The following ANKFN1 variants were observed in gnomAD, a reference collection of about 807,000 sequenced individuals.
ANKFN1 encodes the protein ankyrin repeat and fibronectin type-III domain-containing protein 1.
ANKFN1 carries 74 observed loss-of-function variants against 108.7 expected under a neutral mutation model. That is an observed-to-expected ratio of 0.68 (90% CI 0.56 to 0.83). The LOEUF (loss-of-function observed/expected upper bound fraction) is 0.83, where lower values mean the gene tolerates loss of function less well. Among genes scored for constraint, ANKFN1 ranks in the 40% least tolerant of loss-of-function variants. ANKFN1 has a pLI of 0.00. For missense variants in ANKFN1, 1,505 were observed against 1,382.3 expected, an observed-to-expected ratio of 1.09 and a Z score of -1.41; for synonymous variants, 547 against 516.2, an observed-to-expected ratio of 1.06 and a Z score of -0.81.
intron 14 of ANKFN1, 48 bp downstream of exon 14, chr17:56,458,027 T>C: frequency 6.6e-7 from 1 of 1,510,602 alleles, no homozygotes. Context: ...ATATTTTTAA[T>C]GTAGAAAATT....
intron 4 of ANKFN1, among the ~76,000 whole-genome samples, chr17:56,116,935 G>C (rs1383410196): frequency 1.3e-5 from 2 of 152,138 alleles, no homozygotes; most frequent in Non-Finnish European, 2.9e-5. Flanking sequence ...TGATCTGGGA[G>C]TTAGTAATAC....
intron 4 of ANKFN1, among the ~76,000 whole-genome samples, chr17:56,138,449 A>C (rs10491196): frequency 0.18 from 27,500 of 152,062 alleles, 2,875 homozygotes; most frequent in East Asian, 0.28. Context: ...AACAGCTATC[A>C]AACTGAACTG....
intron 19 of ANKFN1, among the ~76,000 whole-genome samples, chr17:56,495,110 C>T (rs1411111446): frequency 2.0e-5 from 3 of 152,142 alleles, no homozygotes; most frequent in African/African-American, 7.2e-5. Context: ...CTACATACTT[C>T]CCTTCCAGTC....
intron 8 of ANKFN1, among the ~76,000 whole-genome samples, chr17:56,389,507 G>C (rs2144865709): frequency 6.6e-6 from 1 of 152,284 alleles, no homozygotes; most frequent in Non-Finnish European, 1.5e-5. Flanking sequence ...CATGTGTGTT[G>C]GTTTGGCCTC....
At chr17:56,120,151 A>G (rs1906524590) in intron 4 of ANKFN1, among the ~76,000 whole-genome samples, 1 of 152,100 alleles carries the variant, frequency 6.6e-6, no homozygotes, top group Admixed American at 6.6e-5. Context: ...TACATTACTC[A>G]GCCATATTTT....
intron 4 of ANKFN1, among the ~76,000 whole-genome samples, chr17:56,058,631 G>A (rs112839257): frequency 1.5e-4 from 1 of 6,568 alleles, no homozygotes; most frequent in South Asian, 2.5e-3. Context: ...GTTCCGCTCC[G>A]TGTCCAAGTG....
At chr17:56,496,948 G>T (rs2051219168) in intron 19 of ANKFN1, among the ~76,000 whole-genome samples, 1 of 151,992 alleles carries the variant, frequency 6.6e-6, no homozygotes, top group South Asian at 2.1e-4. Context: ...AACTCTGTTT[G>T]TGGGTAGAGA....
chr17:56,211,605 T>C (rs945965256), intron 1 of ANKFN1, among the ~76,000 whole-genome samples: 2 of 152,210 alleles, frequency 1.3e-5, no homozygotes, highest in Non-Finnish European at 2.9e-5. Context: ...TTTGGTTCCA[T>C]ATGAATTTTA....
Position 56,467,775 on chromosome 17 carries a change from GAA to G in ANKFN1, c.1773+1206_1773+1207del, listed in dbSNP as rs1199444739. 9.9e-3 allele frequency among the ~76,000 whole-genome samples: 166 copies of G among 16,724 alleles called. 3 individuals are homozygous for G. The highest frequency in any genetic ancestry group is 0.022 in the African/African-American group (158 of 7,268). 11.0% of individuals were successfully genotyped at this position (16,724 alleles called of 152,430 possible). A position where few individuals can be genotyped will look rare whatever the true frequency, so the allele number is the denominator to read the frequency against. ...AGAAAGAAAGAAAGAAAGAAAGAAA[GAA>G]AGAAAGAAAGAAAGAAGAAAGAAAG... On this transcript the variant is annotated intron_variant, in intron 15 of 20. Coordinates refer to ENST00000682825, the MANE Select transcript of ANKFN1 (RefSeq NM_001370326.1).
intron 1 of ANKFN1, among the ~76,000 whole-genome samples, chr17:56,161,953 G>C (rs1307721914): frequency 1.3e-5 from 2 of 152,196 alleles, no homozygotes; most frequent in Non-Finnish European, 2.9e-5. Flanking sequence ...TGTGAGAGCA[G>C]AAACTTTACC....
At chr17:56,405,854 A>C (rs1187052195) in intron 8 of ANKFN1, among the ~76,000 whole-genome samples, 1 of 152,202 alleles carries the variant, frequency 6.6e-6, no homozygotes, top group Admixed American at 6.6e-5. Flanking sequence ...ATTTGCTTGA[A>C]TATACATAAA....
intron 4 of ANKFN1, among the ~76,000 whole-genome samples, chr17:56,337,146 G>T (rs1023596931): frequency 2.6e-5 from 4 of 152,086 alleles, no homozygotes; most frequent in African/African-American, 7.2e-5. Context: ...CAACTATGTG[G>T]TCAATTTTGG....
At chr17:56,140,403 C>A (rs577316525) in intron 4 of ANKFN1, among the ~76,000 whole-genome samples, 1 of 152,302 alleles carries the variant, frequency 6.6e-6, no homozygotes, top group Non-Finnish European at 1.5e-5. Flanking sequence ...ACCATAAGAT[C>A]AACCATCCGA....
At chr17:56,183,176 T>C (rs972567866) in intron 1 of ANKFN1, among the ~76,000 whole-genome samples, 6 of 152,182 alleles carry the variant, frequency 3.9e-5, no homozygotes, top group Non-Finnish European at 8.8e-5. Flanking sequence ...GAGGAGTTAT[T>C]TTGGCTTTCA....
intron 19 of ANKFN1, among the ~76,000 whole-genome samples, chr17:56,495,777 A>G (rs1335896047): frequency 6.6e-6 from 1 of 152,206 alleles, no homozygotes; most frequent in Non-Finnish European, 1.5e-5. Flanking sequence ...ATAGAAACAC[A>G]GCTCATTAAA....
chr17:56,353,831 T>C lies in ANKFN1; in HGVS notation c.391-5T>C. The C allele has an allele frequency of 6.2e-7, 1 of 1,613,826 alleles. No homozygotes were observed. Among genetic ancestry groups the C allele is most frequent in the Non-Finnish European group, 8.5e-7 (1 of 1,179,868 alleles). On this transcript the variant is annotated splice_region_variant and splice_polypyrimidine_tract_variant and intron_variant, in intron 5 of 20. Transcript: ENST00000682825. ...TTGTGCTGATCTACTTTTGCTCCTC[T>C]CTAGAATTTCCAGGGCAATGAAGCC...
At chr17:56,351,911 C>A (rs2046258251) in intron 5 of ANKFN1, among the ~76,000 whole-genome samples, 1 of 152,064 alleles carries the variant, frequency 6.6e-6, no homozygotes, top group African/African-American at 2.4e-5. Context: ...TAGAAGCATG[C>A]CAAAGTTTGC....
chr17:56,331,025 G>A (rs559697686), intron 4 of ANKFN1, among the ~76,000 whole-genome samples: 1 of 152,140 alleles, frequency 6.6e-6, no homozygotes, highest in Non-Finnish European at 1.5e-5. Context: ...AGACACACCT[G>A]TTATGTTAAC....
intron 8 of ANKFN1, among the ~76,000 whole-genome samples, chr17:56,418,581 T>G (rs988199256): frequency 3.3e-5 from 5 of 152,052 alleles, no homozygotes; most frequent in Admixed American, 6.5e-5. Context: ...TATGCGATAA[T>G]AATAAAAGAA....
Sources: allele counts gnomAD v4.1 joint callset (sites outside exome capture counted in the v4.1 genomes callset), GRCh38; gene constraint gnomAD v4.1.1; transcripts MANE v1.5; gene names NCBI Gene and HGNC (gene_info 2026-07-23, HGNC 2026-07-21).